FAM13A: variants seen among roughly 807,000 people sequenced by gnomAD.
FAM13A encodes the protein family with sequence similarity 13 member A, also known as protein FAM13A.
FAM13A carries 76 observed loss-of-function variants against 129.6 expected under a neutral mutation model. That is an observed-to-expected ratio of 0.59 (90% CI 0.49 to 0.71). The LOEUF (loss-of-function observed/expected upper bound fraction) is 0.71, where lower values mean the gene tolerates loss of function less well. FAM13A is among the 30% of genes least tolerant of loss of function. The pLI, the probability that FAM13A is intolerant of heterozygous loss-of-function variation, is 0.00. For synonymous variants in FAM13A, 443 were observed against 449.9 expected, an observed-to-expected ratio of 0.98 and a Z score of 0.20; for missense variants, 1,108 against 1,249.3, an observed-to-expected ratio of 0.89 and a Z score of 1.70.
chr4:88,949,433 T>C (rs1756558077), intron 4 of FAM13A, among the ~76,000 whole-genome samples: 1 of 152,158 alleles, frequency 6.6e-6, no homozygotes, highest in African/African-American at 2.4e-5. Flanking sequence ...CTCCCTTATG[T>C]AGTTCCTTGC....
At chr4:88,992,227 AC>A (rs1762999756) in intron 3 of FAM13A, among the ~76,000 whole-genome samples, 2 of 151,660 alleles carry the variant, frequency 1.3e-5, no homozygotes, top group South Asian at 2.1e-4. Context: ...AGATTGCCTT[AC>A]CATTCTTTAA....
At chr4:88,906,753 A>G (rs556370326) in intron 5 of FAM13A, among the ~76,000 whole-genome samples, 2 of 152,360 alleles carry the variant, frequency 1.3e-5, no homozygotes, top group South Asian at 4.1e-4. Flanking sequence ...TATCACATAC[A>G]TATCCAGTAT....
intron 2 of FAM13A, among the ~76,000 whole-genome samples, chr4:89,025,247 T>TTTTTTG (rs1767790543): frequency 2.3e-5 from 1 of 42,686 alleles, no homozygotes; most frequent in African/African-American, 1.1e-4. Context: ...GAATCATTGT[T>TTTTTTG]TTTTTTTTTT....
intron 4 of FAM13A, among the ~76,000 whole-genome samples, chr4:88,972,033 TA>T (rs1760158027): frequency 6.6e-6 from 1 of 152,126 alleles, no homozygotes; most frequent in African/African-American, 2.4e-5. Context: ...TACGTGAGCA[TA>T]CATAAACACA....
chr4:88,771,762 A>G (rs1720723207), intron 11 of FAM13A, among the ~76,000 whole-genome samples: 2 of 152,176 alleles, frequency 1.3e-5, no homozygotes, highest in Admixed American at 1.3e-4. Context: ...CTAGTTTATA[A>G]TCCATAAAAT....
chr4:88,955,974 C>T (rs1178496681), intron 4 of FAM13A, among the ~76,000 whole-genome samples: 1 of 151,826 alleles, frequency 6.6e-6, no homozygotes, highest in African/African-American at 2.4e-5. Context: ...TAATGTTAAT[C>T]CCCAAGGAAA....
intron 11 of FAM13A, among the ~76,000 whole-genome samples, chr4:88,778,483 A>G (rs1722208626): frequency 6.6e-6 from 1 of 152,104 alleles, no homozygotes; most frequent in Admixed American, 6.6e-5. Context: ...TCCAGGGGGA[A>G]CCATTCATGT....
chr4:88,817,091 T>C (rs926235979), intron 7 of FAM13A, among the ~76,000 whole-genome samples: 1 of 152,124 alleles, frequency 6.6e-6, no homozygotes, highest in Admixed American at 6.6e-5. Flanking sequence ...CATGGATGAA[T>C]CTTGAAAACA....
chr4:88,747,059 G>T (rs2278877), intron 18 of FAM13A, 44 bp from the exon 19 acceptor site: 184,672 of 1,303,772 alleles, frequency 0.14, 16,491 homozygotes, highest in East Asian at 0.31. Flanking sequence ...AGGAAAATGT[G>T]TGTGAACATT....
At chr4:89,032,895 G>A (rs904384366) in intron 1 of FAM13A, among the ~76,000 whole-genome samples, 1 of 152,184 alleles carries the variant, frequency 6.6e-6, no homozygotes, top group Non-Finnish European at 1.5e-5. Context: ...ACTGAAGCTT[G>A]AGTGGCTTAT....
chr4:88,894,907 A>G (rs1295511793), intron 6 of FAM13A, among the ~76,000 whole-genome samples: 1 of 152,240 alleles, frequency 6.6e-6, no homozygotes, highest in Admixed American at 6.5e-5. Context: ...TTCTAAAGCT[A>G]CTTATATCCT....
At chr4:88,884,866 G>A (rs1579112295) in intron 6 of FAM13A, among the ~76,000 whole-genome samples, 1 of 152,004 alleles carries the variant, frequency 6.6e-6, no homozygotes, top group South Asian at 2.1e-4. Flanking sequence ...ACCAAACTGA[G>A]AATAAAAGCA....
chr4:88,742,873 A>T (rs1352933472), intron 19 of FAM13A, among the ~76,000 whole-genome samples: 1 of 152,198 alleles, frequency 6.6e-6, no homozygotes, highest in African/African-American at 2.4e-5. Flanking sequence ...AAATTGCAGA[A>T]TTCAAATTAG....
chr4:88,796,175 A>G (rs1726136845), intron 8 of FAM13A, among the ~76,000 whole-genome samples: 1 of 151,790 alleles, frequency 6.6e-6, no homozygotes, highest in Non-Finnish European at 1.5e-5. Context: ...TTTAGACTTT[A>G]TTCTATAAAT....
At chr4:89,056,515 T>C (rs1158589220) in intron 1 of FAM13A, among the ~76,000 whole-genome samples, 1 of 152,120 alleles carries the variant, frequency 6.6e-6, no homozygotes, top group African/African-American at 2.4e-5. Flanking sequence ...AATAGAAATA[T>C]AAAACAGAAA....
At chr4:88,782,053 AATT>A (rs1560978436) in intron 10 of FAM13A, among the ~76,000 whole-genome samples, 1 of 152,042 alleles carries the variant, frequency 6.6e-6, no homozygotes, top group Non-Finnish European at 1.5e-5. Context: ...AATCTCATTG[AATT>A]ATTAATAGAT....
intron 20 of FAM13A, 45 bp from the exon 21 acceptor site, chr4:88,737,600 C>G (rs748459640): frequency 6.6e-7 from 1 of 1,506,538 alleles, no homozygotes; most frequent in Non-Finnish European, 9.2e-7. Context: ...AACCCCTTTC[C>G]CTTTCCCTCC....
chr4:88,777,728 G>C (rs965491168), intron 11 of FAM13A, among the ~76,000 whole-genome samples: 1 of 152,150 alleles, frequency 6.6e-6, no homozygotes, highest in Non-Finnish European at 1.5e-5. Flanking sequence ...GGGCCAGCAA[G>C]ATCACTGTGA....
chr4:88,895,269 C>A (rs1002263286), intron 6 of FAM13A, among the ~76,000 whole-genome samples: 6 of 151,910 alleles, frequency 3.9e-5, no homozygotes, highest in African/African-American at 1.5e-4. Flanking sequence ...CTGGAAAAAG[C>A]AGAATACTAA....
Sources: allele counts gnomAD v4.1 joint callset (sites outside exome capture counted in the v4.1 genomes callset), GRCh38; gene constraint gnomAD v4.1.1; transcripts MANE v1.5; gene names NCBI Gene and HGNC (gene_info 2026-07-23, HGNC 2026-07-21).